GAS2: variants seen among roughly 807,000 people sequenced by gnomAD.
GAS2 encodes growth arrest specific 2.
A neutral mutation model predicts 37.5 loss-of-function variants in GAS2; 20 were observed. That is an observed-to-expected ratio of 0.53 (90% CI 0.37 to 0.77). The LOEUF is 0.77. Ranked by LOEUF, GAS2 falls within the 30% of genes least tolerant of loss-of-function variation. The pLI, the probability that GAS2 is intolerant of heterozygous loss-of-function variation, is 0.00. For missense variants in GAS2, 336 were observed against 373.4 expected, an observed-to-expected ratio of 0.90 and a Z score of 0.82; for synonymous variants, 144 against 132.2, an observed-to-expected ratio of 1.09 and a Z score of -0.61.
At chr11:22,788,593 A>G (rs1306298819) in intron 7 of GAS2, among the ~76,000 whole-genome samples, 1 of 152,186 alleles carries the variant, frequency 6.6e-6, no homozygotes, top group Non-Finnish European at 1.5e-5. Flanking sequence ...ACAGATCAAA[A>G]GTGATTTTTA....
chr11:22,663,877 C>T (rs1050390270), upstream of GAS2, among the ~76,000 whole-genome samples: 3 of 152,016 alleles, frequency 2.0e-5, no homozygotes, highest in Non-Finnish European at 4.4e-5. Flanking sequence ...CAAAATATGT[C>T]AATTGAAGGC....
intron 2 of GAS2, among the ~76,000 whole-genome samples, chr11:22,680,344 G>T (rs1431413273): frequency 6.6e-6 from 1 of 152,072 alleles, no homozygotes; most frequent in Non-Finnish European, 1.5e-5. Flanking sequence ...ATGCAGGGTA[G>T]ACACTTGAAA....
chr11:22,674,786 T>G (rs1849349389), intron 1 of GAS2, 64 bp from the exon 2 acceptor site: 2 of 1,294,398 alleles, frequency 1.5e-6, no homozygotes, highest in Admixed American at 4.5e-5. Flanking sequence ...TATAATGTCA[T>G]GATGACAACA....
At chr11:22,702,404 G>A (rs1850888034) in intron 3 of GAS2, 1 of 152,082 alleles carries the variant, frequency 6.6e-6, no homozygotes. Context: ...ATTGCAAATT[G>A]AACAAAATTA....
intron 6 of GAS2, among the ~76,000 whole-genome samples, chr11:22,751,777 A>C (rs902043341): frequency 2.6e-5 from 4 of 151,982 alleles, no homozygotes; most frequent in Admixed American, 2.0e-4. Flanking sequence ...GGTGATAGGA[A>C]AACTATGAAA....
intron 1 of GAS2, among the ~76,000 whole-genome samples, chr11:22,652,218 C>T (rs926061694): frequency 3.3e-5 from 5 of 152,170 alleles, no homozygotes; most frequent in African/African-American, 1.2e-4. Context: ...GGGTGCCTCC[C>T]ATTTAGGCTG....
At chr11:22,778,120 T>A (rs1156770552) in intron 7 of GAS2, among the ~76,000 whole-genome samples, 1 of 152,176 alleles carries the variant, frequency 6.6e-6, no homozygotes, top group Admixed American at 6.5e-5. Context: ...TAGAAAAAAA[T>A]TTAGTTGAAA....
intron 3 of GAS2, among the ~76,000 whole-genome samples, chr11:22,692,797 C>A (rs1850312701): frequency 6.6e-6 from 1 of 152,152 alleles, no homozygotes; most frequent in Admixed American, 6.6e-5. Flanking sequence ...AAAAATATGG[C>A]CCAGTGGATC....
chr11:22,784,629 T>C (rs1006664459), intron 7 of GAS2, among the ~76,000 whole-genome samples: 1 of 152,128 alleles, frequency 6.6e-6, no homozygotes, highest in Admixed American at 6.6e-5. Context: ...ACAAGCAAGG[T>C]TTCATAGGTT....
chr11:22,630,625 T>G (rs575469164), intron 1 of GAS2, among the ~76,000 whole-genome samples: 1 of 152,266 alleles, frequency 6.6e-6, no homozygotes, highest in South Asian at 2.1e-4. Flanking sequence ...TTTTGCCAAT[T>G]TATGTTTTTG....
At chr11:22,790,596 T>A (rs1856105604) in intron 7 of GAS2, among the ~76,000 whole-genome samples, 1 of 150,156 alleles carries the variant, frequency 6.7e-6, no homozygotes, top group African/African-American at 2.4e-5. Flanking sequence ...CTCTATTTTT[T>A]TTTTTTTTTT....
At chr11:22,792,192 C>G (rs1856199488) in intron 7 of GAS2, among the ~76,000 whole-genome samples, 1 of 151,894 alleles carries the variant, frequency 6.6e-6, no homozygotes. Flanking sequence ...GAGAGGTGGA[C>G]TAAACAAATA....
At chr11:22,799,349 A>G (rs989048812) in intron 7 of GAS2, among the ~76,000 whole-genome samples, 1 of 152,128 alleles carries the variant, frequency 6.6e-6, no homozygotes, top group Admixed American at 6.6e-5. Context: ...TTACTGCTGT[A>G]AACCATGTAT....
At chr11:22,781,341 G>A (rs1159523514) in intron 7 of GAS2, among the ~76,000 whole-genome samples, 1 of 152,114 alleles carries the variant, frequency 6.6e-6, no homozygotes, top group African/African-American at 2.4e-5. Flanking sequence ...GAAACTCAAG[G>A]GTATTATGGC....
chr11:22,709,808 A>G (rs112466186), intron 3 of GAS2, among the ~76,000 whole-genome samples: 6,543 of 152,284 alleles, frequency 0.043, 216 homozygotes, highest in East Asian at 0.19. Flanking sequence ...TGGCACATAT[A>G]CACCATGGAA....
At chr11:22,638,506 C>T (rs1031101082) in intron 1 of GAS2, among the ~76,000 whole-genome samples, 1 of 151,962 alleles carries the variant, frequency 6.6e-6, no homozygotes, top group African/African-American at 2.4e-5. Context: ...GCACCACACC[C>T]AGCTAATTTT....
intron 2 of GAS2, among the ~76,000 whole-genome samples, chr11:22,685,171 A>C (rs1849880119): frequency 6.6e-6 from 1 of 152,068 alleles, no homozygotes; most frequent in Non-Finnish European, 1.5e-5. Context: ...GTAGAGAGAG[A>C]GAGAGAGCGA....
At chr11:22,752,047 T>A (rs1215111323) in intron 6 of GAS2, among the ~76,000 whole-genome samples, 1 of 152,056 alleles carries the variant, frequency 6.6e-6, no homozygotes, top group Non-Finnish European at 1.5e-5. Flanking sequence ...TCTGTAACTT[T>A]GTCAGCTAGA....
intron 1 of GAS2, among the ~76,000 whole-genome samples, chr11:22,674,441 T>G (rs552643342): frequency 1.3e-5 from 2 of 152,302 alleles, no homozygotes; most frequent in South Asian, 4.1e-4. Context: ...AATGCTGTCA[T>G]TGCCAGTGTT....
Sources: allele counts gnomAD v4.1 joint callset (sites outside exome capture counted in the v4.1 genomes callset), GRCh38; gene constraint gnomAD v4.1.1; transcripts MANE v1.5; gene names NCBI Gene and HGNC (gene_info 2026-07-23, HGNC 2026-07-21).